ATP6V1H: variants seen among roughly 807,000 people sequenced by gnomAD.
ATP6V1H encodes V-type proton ATPase subunit H.
ATP6V1H carries 39 observed loss-of-function variants against 71.7 expected under a neutral mutation model. That is an observed-to-expected ratio of 0.54 (90% confidence interval 0.42 to 0.71). The LOEUF is 0.71. Among genes scored for constraint, ATP6V1H ranks in the 30% least tolerant of loss-of-function variants. The probability of loss-of-function intolerance (pLI) is 0.00; values close to 1 mark genes in which losing one functional copy is unlikely to be tolerated. For synonymous variants in ATP6V1H, 192 were observed against 199.3 expected (o/e 0.96, Z 0.31); for missense variants, 509 against 594.9 (o/e 0.86, Z 1.50).
At chr8:53,820,047 A>G (rs77197820) in intron 4 of ATP6V1H, among the ~76,000 whole-genome samples, 15 of 152,106 alleles carry the variant, frequency 9.9e-5, no homozygotes, top group South Asian at 6.2e-4. Context: ...AACAAAAGCT[A>G]TCTCTCATAC....
At chr8:53,717,118 C>A (rs1239563212) in intron 13 of ATP6V1H, among the ~76,000 whole-genome samples, 1 of 152,190 alleles carries the variant, frequency 6.6e-6, no homozygotes, top group Non-Finnish European at 1.5e-5. Context: ...CAAGAAACCA[C>A]CTTTGGGGGC....
chr8:53,744,381 CTA>C (rs1807523157), intron 12 of ATP6V1H, among the ~76,000 whole-genome samples: 1 of 152,014 alleles, frequency 6.6e-6, no homozygotes, highest in African/African-American at 2.4e-5. Context: ...GTAAAAATGG[CTA>C]TTTCTTCATG....
intron 8 of ATP6V1H, among the ~76,000 whole-genome samples, chr8:53,796,135 G>A (rs1327459548): frequency 6.6e-6 from 1 of 151,996 alleles, no homozygotes; most frequent in Non-Finnish European, 1.5e-5. Context: ...AAGAGCAATC[G>A]GACAGACAAT....
chr8:53,785,490 C>T (rs188086172), intron 9 of ATP6V1H, among the ~76,000 whole-genome samples: 101 of 152,282 alleles, frequency 6.6e-4, no homozygotes, highest in Non-Finnish European at 1.2e-3. Context: ...TGAACTTCCT[C>T]CTTTAGCTCG....
chr8:53,819,806 A>ATGTGTG lies in ATP6V1H; in HGVS notation c.307-2282_307-2277dup, dbSNP rs531362176. On this transcript the variant is annotated intron_variant, in intron 4 of 13. Coordinates refer to ENST00000359530, the MANE Select transcript of ATP6V1H (RefSeq NM_015941.4). ...TATATATGCTTTGTATACAAAGTATATGTGTGTGTGTGTATATATATACAC... is the reference window on the plus strand; with the variant it reads ...TATATATGCTTTGTATACAAAGTATATGTGTGTGTGTGTGTGTGTATATATATACAC... Among the ~76,000 whole-genome samples the ATGTGTG allele has an allele frequency of 7.7e-4, 113 of 146,050 alleles. 1 individual carries two copies. The highest frequency in any genetic ancestry group is 2.6e-3 in the African/African-American group (105 of 39,756).
intron 9 of ATP6V1H, among the ~76,000 whole-genome samples, chr8:53,784,647 A>C (rs960625373): frequency 6.6e-6 from 1 of 152,120 alleles, no homozygotes; most frequent in African/African-American, 2.4e-5. Context: ...GGTCTTTACA[A>C]TTTGGCATGT....
chr8:53,781,643 A>G (rs1055074243), intron 9 of ATP6V1H, among the ~76,000 whole-genome samples: 8 of 152,048 alleles, frequency 5.3e-5, no homozygotes, highest in Non-Finnish European at 4.4e-5. Context: ...GGTATTGCCT[A>G]GGTTTTCTTC....
chr8:53,772,441 A>G (rs1037384229), intron 9 of ATP6V1H, among the ~76,000 whole-genome samples: 1 of 152,178 alleles, frequency 6.6e-6, no homozygotes, highest in African/African-American at 2.4e-5. Flanking sequence ...CACGTTTACA[A>G]TGAAATCCAC....
intron 2 of ATP6V1H, among the ~76,000 whole-genome samples, chr8:53,838,737 C>G (rs141052965): frequency 5.9e-5 from 9 of 152,200 alleles, no homozygotes; most frequent in Admixed American, 5.2e-4. Context: ...AAGAAAAAAG[C>G]TTAATCAAAT....
At position 53,814,661 on chromosome 8, in the gene ATP6V1H, C is replaced by T. The variant is rs775488980; in HGVS notation, c.525+1G>A. ...AGGTACTTTAAAAAATTTTCTTTTACCTGTGAACTCAGCTGAGTTTTTATC... is the reference window on the plus strand; with the variant it reads ...AGGTACTTTAAAAAATTTTCTTTTATCTGTGAACTCAGCTGAGTTTTTATC... On this transcript the variant is annotated splice_donor_variant, in intron 6 of 13. Transcript: ENST00000359530. LOFTEE classifies it high-confidence loss of function. 6.3e-7 allele frequency: 1 copy of T among 1,584,842 alleles called. No homozygotes were observed. Among genetic ancestry groups the T allele is most frequent in the Admixed American group, 1.7e-5 (1 of 57,930 alleles).
chr8:53,816,378 C>G lies in ATP6V1H; in HGVS notation c.420+1039G>C, dbSNP rs181862492. ...CCAACAGCTCCTGCCATCCCCAACC[C>G]GTAGCCCACTCCCCAGTGGAAATAG... On this transcript the variant is annotated intron_variant, in intron 5 of 13. Coordinates refer to ENST00000359530, the MANE Select transcript of ATP6V1H (RefSeq NM_015941.4). Among the ~76,000 whole-genome samples the G allele has an allele frequency of 3.9e-4, 60 of 152,350 alleles. No homozygotes were observed. In the East Asian group the frequency reaches 0.011, roughly 29 times the overall value.
Position 53,772,057 on chromosome 8 carries a change from A to G in ATP6V1H, c.981T>C (p.Asp327=). The stretch of plus-strand genomic sequence containing the variant: ...TGATATCTTCGCTGATATCTTCATC[A>G]TCGTACTTCTGCTGTTCCAAGTTCT... The part of the protein sequence containing the change: ...QLENLEQQKY[D]DEDISEDIKF... The change falls in exon 10 of 14, where the codon GAT becomes GAC. Residue 327 remains aspartate, a synonymous_variant. Coordinates refer to ENST00000359530, the MANE Select transcript of ATP6V1H (RefSeq NM_015941.4). 1.2e-6 allele frequency: 2 copies of G among 1,614,130 alleles called. No individual in the cohort carries two copies. The highest frequency in any genetic ancestry group is 1.7e-6 in the Non-Finnish European group (2 of 1,179,996).
At chr8:53,730,037 G>A (rs139311768) in intron 13 of ATP6V1H, among the ~76,000 whole-genome samples, 1,598 of 152,304 alleles carry the variant, frequency 0.01, 12 homozygotes, top group African/African-American at 0.022. Flanking sequence ...TGCCTCTAGA[G>A]CAATCATGAC....
At chr8:53,819,827 TAC>T (rs750799957) in intron 4 of ATP6V1H, among the ~76,000 whole-genome samples, 21 of 145,452 alleles carry the variant, frequency 1.4e-4, no homozygotes, top group Non-Finnish European at 2.1e-4. Flanking sequence ...TGTATATATA[TAC>T]ACACACACAC....
intron 13 of ATP6V1H, among the ~76,000 whole-genome samples, chr8:53,723,521 G>A (rs558589204): frequency 6.6e-6 from 1 of 152,256 alleles, no homozygotes; most frequent in South Asian, 2.1e-4. Context: ...CAGCCTTCAG[G>A]AAAGAATTCA....
intron 13 of ATP6V1H, among the ~76,000 whole-genome samples, chr8:53,724,014 T>C (rs1014091442): frequency 6.6e-6 from 1 of 152,270 alleles, no homozygotes; most frequent in African/African-American, 2.4e-5. Flanking sequence ...TACAATTTAC[T>C]ATTTTCTAAG....
intron 13 of ATP6V1H, among the ~76,000 whole-genome samples, chr8:53,743,330 T>C (rs1807480372): frequency 6.6e-6 from 1 of 152,232 alleles, no homozygotes; most frequent in African/African-American, 2.4e-5. Flanking sequence ...AGGGTCCTTT[T>C]AGTTACTTCT....
intron 2 of ATP6V1H, among the ~76,000 whole-genome samples, chr8:53,836,288 G>A (rs1811158536): frequency 6.6e-6 from 1 of 152,178 alleles, no homozygotes; most frequent in African/African-American, 2.4e-5. Context: ...ATGTCAAAAG[G>A]TGGTGGTTTT....
At chr8:53,787,865 T>C (rs1279056757) in intron 9 of ATP6V1H, among the ~76,000 whole-genome samples, 2 of 152,094 alleles carry the variant, frequency 1.3e-5, no homozygotes, top group Non-Finnish European at 2.9e-5. Flanking sequence ...TCCAGCCAAA[T>C]GGAAAAATAA....
Sources: allele counts gnomAD v4.1 joint callset (sites outside exome capture counted in the v4.1 genomes callset), GRCh38; gene constraint gnomAD v4.1.1; transcripts MANE v1.5; gene names NCBI Gene and HGNC (gene_info 2026-07-23, HGNC 2026-07-21).